LRRFIP2: variants seen among roughly 807,000 people sequenced by gnomAD.
LRRFIP2 encodes the protein LRR binding FLII interacting protein 2, also known as leucine-rich repeat flightless-interacting protein 2.
Under a neutral mutation model 125.9 loss-of-function variants are expected in LRRFIP2, and 109 were observed. The observed-to-expected ratio is 0.87, with a 90% CI of 0.74 to 1.01. The LOEUF is 1.01. LRRFIP2 is among the 50% of genes least tolerant of loss of function. The probability of loss-of-function intolerance (pLI) is 0.00; values close to 1 mark genes in which losing one functional copy is unlikely to be tolerated. For synonymous variants in LRRFIP2, 291 were observed against 293.1 expected, an observed-to-expected ratio of 0.99 and a Z score of 0.07; for missense variants, 850 against 862.3, an observed-to-expected ratio of 0.99 and a Z score of 0.18.
intron 21 of LRRFIP2, chr3:37,068,567 T>C (rs897475741): frequency 6.6e-6 from 1 of 152,236 alleles, no homozygotes; most frequent in Non-Finnish European, 1.5e-5. Context: ...AAGCTGGATC[T>C]AAAACCCTCT....
intron 2 of LRRFIP2, among the ~76,000 whole-genome samples, chr3:37,133,131 A>G (rs1331492523): frequency 6.6e-6 from 1 of 152,222 alleles, no homozygotes; most frequent in Non-Finnish European, 1.5e-5. Context: ...AGGCTGAGGC[A>G]TGAGAATCAC....
intron 21 of LRRFIP2, among the ~76,000 whole-genome samples, chr3:37,069,426 A>G (rs1480516883): frequency 1.3e-5 from 2 of 152,236 alleles, no homozygotes; most frequent in South Asian, 4.1e-4. Context: ...ATGCTGCAAA[A>G]TGAACCTTGA....
chr3:37,091,875 T>C (rs1357733906), intron 17 of LRRFIP2, among the ~76,000 whole-genome samples: 1 of 152,232 alleles, frequency 6.6e-6, no homozygotes, highest in Non-Finnish European at 1.5e-5. Flanking sequence ...ACTTTTAATA[T>C]TTTATAAATC....
chr3:37,120,218 T>C (rs2094966892), intron 6 of LRRFIP2, among the ~76,000 whole-genome samples: 1 of 151,488 alleles, frequency 6.6e-6, no homozygotes, highest in Non-Finnish European at 1.5e-5. Flanking sequence ...GCAATTCTCC[T>C]GTTTCAGCCT....
intron 20 of LRRFIP2, among the ~76,000 whole-genome samples, chr3:37,074,520 A>T (rs901305447): frequency 6.6e-5 from 10 of 152,306 alleles, no homozygotes; most frequent in Middle Eastern, 3.4e-3. Flanking sequence ...TCCATTCCTA[A>T]GATGTTGCCA....
intron 18 of LRRFIP2, among the ~76,000 whole-genome samples, chr3:37,084,488 C>A (rs1325583337): frequency 6.6e-6 from 1 of 151,884 alleles, no homozygotes; most frequent in Non-Finnish European, 1.5e-5. Flanking sequence ...ATGACAAAAA[C>A]CTGTCTCTGT....
At chr3:37,161,764 T>C (rs1577886661) in intron 1 of LRRFIP2, among the ~76,000 whole-genome samples, 1 of 90,758 alleles carries the variant, frequency 1.1e-5, no homozygotes, top group Admixed American at 1.1e-4. Flanking sequence ...GGTTGGGAAA[T>C]AAAGTTCAAG....
chr3:37,113,756 A>C (rs1243993408), intron 7 of LRRFIP2, among the ~76,000 whole-genome samples: 3 of 152,216 alleles, frequency 2.0e-5, no homozygotes, highest in Non-Finnish European at 4.4e-5. Context: ...AAATTAGTGA[A>C]TCCACAGTAT....
chr3:37,058,772 C>CT lies in LRRFIP2; in HGVS notation c.1870+17dup. The CT allele has an allele frequency of 6.2e-7, 1 of 1,613,840 alleles. No homozygotes were observed. ...AGTCTATATACAGACTGGGACTGGCCTGTCCCCTGGTACCTACTCTGCATT... is the reference window on the plus strand; with the variant it reads ...AGTCTATATACAGACTGGGACTGGCCTTGTCCCCTGGTACCTACTCTGCATT... On this transcript the variant is annotated intron_variant, in intron 25 of 27. Transcript: ENST00000336686.
intron 17 of LRRFIP2, chr3:37,093,021 G>A (rs2093541287): frequency 6.6e-6 from 1 of 152,180 alleles, no homozygotes; most frequent in Admixed American, 6.5e-5. Flanking sequence ...TGTATTTTTA[G>A]TAGAGACGGG....
intron 1 of LRRFIP2, among the ~76,000 whole-genome samples, chr3:37,165,241 A>G (rs958802466): frequency 2.0e-5 from 3 of 151,906 alleles, no homozygotes; most frequent in Admixed American, 6.6e-5. Context: ...TCTCAAAAAA[A>G]AAAACAAAAA....
intron 6 of LRRFIP2, 56 bp from the exon 7 acceptor site, chr3:37,115,151 A>C: frequency 8.3e-7 from 1 of 1,201,662 alleles, no homozygotes; most frequent in Admixed American, 1.8e-5. Context: ...AAATATAAAG[A>C]AGAGAAGAAG....
chr3:37,140,524 G>C (rs2095667488), intron 2 of LRRFIP2: 3 of 151,934 alleles, frequency 2.0e-5, no homozygotes, highest in Admixed American at 2.0e-4. Context: ...CTTGAGCTCA[G>C]GAGTTCAAGG....
intron 19 of LRRFIP2, among the ~76,000 whole-genome samples, chr3:37,076,360 A>C (rs897364205): frequency 5.9e-5 from 9 of 151,912 alleles, no homozygotes; most frequent in African/African-American, 1.9e-4. Context: ...CCCCATCTCT[A>C]TAAAAAAAAT....
Position 37,121,542 on chromosome 3 carries a change from AAAAATG to A in LRRFIP2, c.286-12_286-7del, listed in dbSNP as rs1159926024. ...GACAATGCATCCTCAACTCCCTGATAAAAATGAAAATAAACACAGTAAAAGTTTGTG... is the reference window on the plus strand; with the variant it reads ...GACAATGCATCCTCAACTCCCTGATAAAAATAAACACAGTAAAAGTTTGTG... On this transcript the variant is annotated splice_polypyrimidine_tract_variant and splice_region_variant and intron_variant, in intron 5 of 27. Transcript: ENST00000336686. 1.9e-6 allele frequency: 3 copies of A among 1,613,626 alleles called. No homozygotes were observed. Among genetic ancestry groups the A allele is most frequent in the African/African-American group, 2.7e-5 (2 of 75,040 alleles).
chr3:37,055,798 T>A (rs2086671849), intron 25 of LRRFIP2, among the ~76,000 whole-genome samples: 1 of 152,190 alleles, frequency 6.6e-6, no homozygotes, highest in African/African-American at 2.4e-5. Context: ...TGTGTAACCT[T>A]GTGGAGCCTC....
chr3:37,165,779 A>C (rs1381520304), intron 1 of LRRFIP2, among the ~76,000 whole-genome samples: 1 of 148,764 alleles, frequency 6.7e-6, no homozygotes, highest in East Asian at 2.0e-4. Context: ...AGAAAAGAAA[A>C]GAAAAGAGAA....
intron 1 of LRRFIP2, among the ~76,000 whole-genome samples, chr3:37,153,555 C>T (rs1429581335): frequency 6.6e-6 from 1 of 152,142 alleles, no homozygotes; most frequent in Non-Finnish European, 1.5e-5. Context: ...TTTTCTTTCT[C>T]CTCTACCCCC....
rs759256503 is a variant in LRRFIP2 at position 37,113,030 on chromosome 3, T to C, written c.373-50A>G. 1.1e-5 allele frequency: 12 copies of C among 1,043,708 alleles called. 2 individuals carry two copies. In the South Asian group the frequency reaches 1.2e-4, roughly 11 times the overall value. 64.7% of individuals were successfully genotyped at this position (1,043,708 alleles called of 1,614,324 possible). A position where few individuals can be genotyped will look rare whatever the true frequency, so the allele number is the denominator to read the frequency against. On this transcript the variant is annotated intron_variant, in intron 7 of 27. Transcript: ENST00000336686. Reference sequence around the variant, plus strand: ...CTTCAATGATTGCATAGCGAAGTTATGAAAATAATAAAATTCATCTTCAAA... The same window carrying C: ...CTTCAATGATTGCATAGCGAAGTTACGAAAATAATAAAATTCATCTTCAAA...
Sources: gnomAD v4.1 joint callset for allele counts (sites outside exome capture counted in the v4.1 genomes callset) on GRCh38, gnomAD v4.1.1 for gene constraint, MANE v1.5 for transcripts, NCBI Gene and HGNC (gene_info 2026-07-23, HGNC 2026-07-21) for gene names.